The following FAM151B variants were observed in gnomAD, a reference collection of about 807,000 sequenced individuals.
The protein encoded by FAM151B is family with sequence similarity 151 member B, also known as protein FAM151B.
In FAM151B, 24 loss-of-function variants were observed where a neutral mutation model predicts 31.2. The ratio of observed to expected loss-of-function variants is 0.77; its 90% confidence interval spans 0.56 to 1.08. FAM151B has a LOEUF of 1.08. Among genes scored for constraint, FAM151B ranks in the 50% least tolerant of loss-of-function variants. The pLI, the probability that FAM151B is intolerant of heterozygous loss-of-function variation, is 0.00. For missense variants in FAM151B, 293 were observed against 328.6 expected, an observed-to-expected ratio of 0.89 and a Z score of 0.84; for synonymous variants, 105 against 111.4, an observed-to-expected ratio of 0.94 and a Z score of 0.36.
chr5:80,500,839 G>C (rs1001908877), intron 1 of FAM151B: 2 of 1,261,184 alleles, frequency 1.6e-6, no homozygotes, highest in Non-Finnish European at 2.3e-6. Flanking sequence ...TGCTTTAACA[G>C]ATAACACTTT....
At chr5:80,535,349 A>G (rs1228870028) in intron 5 of FAM151B, among the ~76,000 whole-genome samples, 1 of 152,232 alleles carries the variant, frequency 6.6e-6, no homozygotes, top group Non-Finnish European at 1.5e-5. Flanking sequence ...ACTTCAAATT[A>G]TACTACAGAG....
At chr5:80,533,629 A>G (rs1375388943) in intron 5 of FAM151B, among the ~76,000 whole-genome samples, 1 of 150,724 alleles carries the variant, frequency 6.6e-6, no homozygotes, top group Non-Finnish European at 1.5e-5. Context: ...ACGCACCTGT[A>G]ATCCCAGCTA....
Position 80,513,606 on chromosome 5 carries a change from A to T in FAM151B, c.154A>T (p.Thr52Ser). The change falls in exon 3 of 6, where the codon ACT becomes TCT. Residue 52 changes from threonine to serine, a missense_variant and splice_region_variant. Physicochemically the swap from Thr to Ser is moderately conservative, Grantham distance 58. Transcript: ENST00000282226. ...KAQTNEALKS[T>S]AHMIEADVLL... ...CTGAAGTTCTTTTATTTGGACAGGT[A>T]CTGCTCACATGATAGAGGCTGATGT... The T allele has an allele frequency of 6.2e-7, 1 of 1,612,284 alleles. No homozygotes were observed. Among genetic ancestry groups the T allele is most frequent in the Non-Finnish European group, 8.5e-7 (1 of 1,179,566 alleles).
chr5:80,521,052 A>C (rs2112643337), intron 4 of FAM151B, among the ~76,000 whole-genome samples: 1 of 148,396 alleles, frequency 6.7e-6, no homozygotes, highest in African/African-American at 2.5e-5. Context: ...CCTGACCTCC[A>C]GTGATCCACC....
In FAM151B at chr5:80,528,732, G is replaced by GA. The variant is rs34242760; in HGVS notation, c.671+6606dup. ...GGTGACAGAGTAAGACCCAGTCTCA[G>GA]AAAAAAAAAAAAGGATTCCCTACAA... On this transcript the variant is annotated intron_variant, in intron 5 of 5. Transcript: ENST00000282226. Among the ~76,000 whole-genome samples, 122 of 132,466 alleles carry GA rather than the reference G, an allele frequency of 9.2e-4. 1 individual carries two copies. The highest frequency in any genetic ancestry group is 4.0e-3 in the South Asian group (17 of 4,274). The allele number at this position is 132,466 out of a possible 152,430, so 86.9% of individuals were successfully genotyped here.
chr5:80,518,695 C>T (rs770798993), intron 3 of FAM151B: 2 of 152,156 alleles, frequency 1.3e-5, no homozygotes, highest in Non-Finnish European at 2.9e-5. Flanking sequence ...GGTTTTAGTA[C>T]ATAGTATCCT....
intron 3 of FAM151B, 93 bp downstream of exon 3, chr5:80,513,862 A>T (rs1744298288): frequency 8.6e-7 from 1 of 1,166,620 alleles, no homozygotes; most frequent in African/African-American, 1.6e-5. Flanking sequence ...CTGAAAATGG[A>T]ATTGTAGACT....
At position 80,533,749 on chromosome 5, in the gene FAM151B, C is replaced by CAAAAA. The variant is rs71601590; in HGVS notation, c.672-7909_672-7905dup. Among the ~76,000 whole-genome samples the CAAAAA allele has an allele frequency of 8.1e-3, 541 of 66,882 alleles. 18 individuals are homozygous for CAAAAA. The highest frequency in any genetic ancestry group is 0.01 in the Admixed American group (48 of 4,780). The allele number at this position is 66,882 out of a possible 152,430, so 43.9% of individuals were successfully genotyped here. A position where few individuals can be genotyped will look rare whatever the true frequency, so the allele number is the denominator to read the frequency against. On this transcript the variant is annotated intron_variant, in intron 5 of 5. Coordinates refer to ENST00000282226, the MANE Select transcript of FAM151B (RefSeq NM_205548.3). The stretch of plus-strand genomic sequence containing the variant: ...TGGGCAACAGAGCGAGACTCCATCT[C>CAAAAA]AAAAAAAAAAAAAAAAAAAGAGCAG...
chr5:80,505,548 T>C (rs1253320058), intron 2 of FAM151B, among the ~76,000 whole-genome samples: 17 of 150,792 alleles, frequency 1.1e-4, no homozygotes, highest in South Asian at 2.1e-4. Flanking sequence ...GCACCCGCCA[T>C]CACGCCTGGC....
intron 5 of FAM151B, among the ~76,000 whole-genome samples, chr5:80,531,633 A>G (rs1318670608): frequency 1.3e-5 from 2 of 152,234 alleles, no homozygotes; most frequent in Non-Finnish European, 2.9e-5. Flanking sequence ...AGACACATGA[A>G]AAAATGCTCA....
chr5:80,492,105 G>A (rs1743352631), intron 1 of FAM151B, among the ~76,000 whole-genome samples: 1 of 152,114 alleles, frequency 6.6e-6, no homozygotes. Flanking sequence ...TGTAGTGGTG[G>A]ATACATGCCA....
Position 80,517,653 on chromosome 5 carries a change from C to T in FAM151B, c.318-2040C>T, listed in dbSNP as rs139656609. On this transcript the variant is annotated intron_variant, in intron 3 of 5. Transcript: ENST00000282226. Reference sequence around the variant, plus strand: ...TTACATATAAAATGGAATAAATGTACTAAATTCTTGCTTCACTGTGTTCTT... The same window carrying T: ...TTACATATAAAATGGAATAAATGTATTAAATTCTTGCTTCACTGTGTTCTT... Among the ~76,000 whole-genome samples, 832 of 152,294 alleles carry T rather than the reference C, an allele frequency of 5.5e-3. 9 individuals carry two copies. The highest frequency in any genetic ancestry group is 0.019 in the African/African-American group (808 of 41,566).
chr5:80,523,926 A>G (rs1744835040), intron 5 of FAM151B, among the ~76,000 whole-genome samples: 1 of 152,146 alleles, frequency 6.6e-6, no homozygotes, highest in Admixed American at 6.6e-5. Context: ...GTATCCCGTG[A>G]TGCTATTTGA....
chr5:80,508,384 T>C (rs1452489295), intron 2 of FAM151B, among the ~76,000 whole-genome samples: 2 of 152,182 alleles, frequency 1.3e-5, no homozygotes, highest in African/African-American at 4.8e-5. Flanking sequence ...TTTACATTCC[T>C]CCTAGCAGTG....
chr5:80,530,051 T>C (rs1289398809), intron 5 of FAM151B, among the ~76,000 whole-genome samples: 1 of 137,052 alleles, frequency 7.3e-6, no homozygotes, highest in Non-Finnish European at 1.6e-5. Flanking sequence ...TCAAGTGGGC[T>C]TCATCCCTAG....
At chr5:80,540,045 C>T (rs1461109643) in intron 5 of FAM151B, among the ~76,000 whole-genome samples, 1 of 152,192 alleles carries the variant, frequency 6.6e-6, no homozygotes, top group Non-Finnish European at 1.5e-5. Flanking sequence ...CACTGCCATG[C>T]AGCCTCCCAG....
chr5:80,488,638 G>T (rs1374862137), intron 1 of FAM151B, among the ~76,000 whole-genome samples: 1 of 152,176 alleles, frequency 6.6e-6, no homozygotes, highest in Non-Finnish European at 1.5e-5. Context: ...TTCAACTCGC[G>T]GGACAGCAGT....
intron 1 of FAM151B, among the ~76,000 whole-genome samples, chr5:80,496,887 T>C (rs1293357705): frequency 7.4e-6 from 1 of 134,898 alleles, no homozygotes; most frequent in Non-Finnish European, 1.5e-5. Flanking sequence ...CTTGGCTCAC[T>C]GCAACCTCTA....
At chr5:80,508,540 T>C (rs762534356) in intron 2 of FAM151B, among the ~76,000 whole-genome samples, 7 of 152,108 alleles carry the variant, frequency 4.6e-5, no homozygotes, top group Non-Finnish European at 1.0e-4. Flanking sequence ...CTGGTGAGCA[T>C]CTCTTTGTGT....
Sources: allele counts gnomAD v4.1 joint callset (sites outside exome capture counted in the v4.1 genomes callset), GRCh38; gene constraint gnomAD v4.1.1; transcripts MANE v1.5; gene names NCBI Gene and HGNC (gene_info 2026-07-23, HGNC 2026-07-21).